PAEP: variants seen among roughly 807,000 people sequenced by gnomAD.
PAEP encodes the protein glycodelin.
In PAEP, 28 loss-of-function variants were observed where a neutral mutation model predicts 23.0. The observed-to-expected ratio is 1.22, with a 90% confidence interval of 0.90 to 1.67. The LOEUF is 1.67. Ranked by LOEUF, PAEP falls within the 40% of genes most tolerant of loss-of-function variation. The probability of loss-of-function intolerance (pLI) is 0.00; values close to 1 mark genes in which losing one functional copy is unlikely to be tolerated. For synonymous variants in PAEP, 103 were observed against 92.4 expected, an observed-to-expected ratio of 1.12 and a Z score of -0.66; for missense variants, 209 against 226.4, an observed-to-expected ratio of 0.92 and a Z score of 0.49.
At chr9:135,565,684 T>G in intron 5 of PAEP, 101 bp from the exon 6 acceptor site, 3 of 1,464,930 alleles carry the variant, frequency 2.0e-6, no homozygotes, top group Non-Finnish European at 2.9e-6. Flanking sequence ...GGTCCTGCCC[T>G]CTCCCACCAT....
At chr9:135,565,760 T>C (rs769294960) in intron 5 of PAEP, 25 bp from the exon 6 acceptor site, 1 of 1,613,938 alleles carries the variant, frequency 6.2e-7, no homozygotes, top group Non-Finnish European at 8.5e-7. Context: ...CGCTGACACC[T>C]CCACTGTCCC....
At chr9:135,564,219 T>C in intron 3 of PAEP, 25 bp from the exon 4 acceptor site, 2 of 1,551,508 alleles carry the variant, frequency 1.3e-6, no homozygotes, top group Non-Finnish European at 1.7e-6. Context: ...TCATCTTCCT[T>C]TTGGTTCTTC....
In PAEP at chr9:135,566,055, T is replaced by C. The variant is rs1832567060; in HGVS notation, c.*254T>C. The C allele has an allele frequency of 1.3e-5, 7 of 558,376 alleles. No individual in the cohort carries two copies. The South Asian group carries it at 1.6e-4, about 12-fold the overall frequency. 34.6% of individuals were successfully genotyped at this position (558,376 alleles called of 1,614,324 possible). A position where few individuals can be genotyped will look rare whatever the true frequency, so the allele number is the denominator to read the frequency against. The stretch of plus-strand genomic sequence containing the variant: ...CCCTATAGTCAGACCTCATGCTTTC[T>C]TTTGGGGTTAGGGGTGTTGGTTGGA... On this transcript the variant is annotated intron_variant, in intron 6 of 6. Coordinates refer to ENST00000479141, the MANE Select transcript of PAEP (RefSeq NM_002571.4).
rs1388002609 is a variant in PAEP at position 135,565,877 on chromosome 9, C to T, written c.*76C>T. ...CTGTCTGCGGCTGCCTCTCTGGGCC[C>T]CTGGGACAGACCCTACTGTGTCCAG... is the stretch of plus-strand genomic sequence containing the variant. On this transcript the variant is annotated intron_variant, in intron 6 of 6. Coordinates refer to ENST00000479141, the MANE Select transcript of PAEP (RefSeq NM_002571.4). The T allele has an allele frequency of 6.7e-6, 10 of 1,484,852 alleles. 1 individual carries two copies. The South Asian group carries it at 6.8e-5, about 10-fold the overall frequency. 92.0% of individuals were successfully genotyped at this position (1,484,852 alleles called of 1,614,324 possible). A position where few individuals can be genotyped will look rare whatever the true frequency, so the allele number is the denominator to read the frequency against.
chr9:135,565,565 C>G (rs1399401979), intron 5 of PAEP, 51 bp downstream of exon 5: 3 of 1,542,188 alleles, frequency 1.9e-6, no homozygotes, highest in Non-Finnish European at 1.8e-6. Context: ...GAAGCTGCCT[C>G]TTTCTTAGCC....
chr9:135,565,620 G>A (rs1267124504), intron 5 of PAEP, 106 bp downstream of exon 5: 2 of 1,363,122 alleles, frequency 1.5e-6, no homozygotes, highest in African/African-American at 1.5e-5. Flanking sequence ...CTCCTTTTTG[G>A]CCCCTCCCCT....
At chr9:135,564,194 G>A (rs1832466882) in intron 3 of PAEP, 50 bp from the exon 4 acceptor site, 2 of 1,548,538 alleles carry the variant, frequency 1.3e-6, no homozygotes, top group Non-Finnish European at 1.7e-6. Context: ...ACAGGACTCT[G>A]CTGAGACGGA....
intron 5 of PAEP, 131 bp from the exon 6 acceptor site, chr9:135,565,654 G>T: frequency 1.0e-5 from 14 of 1,368,654 alleles, no homozygotes; most frequent in Admixed American, 1.7e-5. Context: ...CTTCTGGGGT[G>T]CAGAGCCACC....
At chr9:135,564,795 C>G (rs1194430022) in intron 4 of PAEP, 3 of 985,296 alleles carry the variant, frequency 3.0e-6, no homozygotes, top group Non-Finnish European at 3.6e-6. Context: ...TGAGCCACCA[C>G]GCCCGGCCAG....
chr9:135,562,834 G>A lies in PAEP; in HGVS notation c.251G>A (p.Cys84Tyr), dbSNP rs778489565. ...IVLHRWENNS[C>Y]VEKKVLGEKT... ...CCACCTTTCAGGGAGAACAACAGCT[G>A]TGTTGAGAAGAAGGTCCTTGGAGAG... Residue 84 changes from cysteine (C) to tyrosine (Y), a missense_variant, in exon 3 of 7, where the codon TGT becomes TAT. By Grantham distance (194) the Cys-to-Tyr change is radical. Coordinates refer to ENST00000479141, the MANE Select transcript of PAEP (RefSeq NM_002571.4). The A allele has an allele frequency of 2.5e-6, 4 of 1,613,868 alleles. No homozygotes were observed. The highest frequency in any genetic ancestry group is 1.3e-5 in the African/African-American group (1 of 75,060).
rs1467964692 is a variant in PAEP at position 135,564,371 on chromosome 9, A to G, written c.421+17A>G. ...AGTACCTGGGTGGGTCTCACAGCAC[A>G]TGAGCTCAACGTGGGTGAGAGGCAG... is the stretch of plus-strand genomic sequence containing the variant. On this transcript the variant is annotated intron_variant, in intron 4 of 6. Transcript: ENST00000479141. The G allele has an allele frequency of 6.5e-7, 1 of 1,548,960 alleles. No homozygotes were observed. Among genetic ancestry groups the G allele is most frequent in the East Asian group, 2.4e-5 (1 of 40,888 alleles).
At position 135,565,534 on chromosome 9, in the gene PAEP, C is replaced by A. The variant is rs373972549; in HGVS notation, c.526+20C>A. ...TGGAAGGTGAGCTCTGCCTAGGACA[C>A]GCCCAGCCTCAGCTGGAGGAGAAGC... On this transcript the variant is annotated intron_variant, in intron 5 of 6. Coordinates refer to ENST00000479141, the MANE Select transcript of PAEP (RefSeq NM_002571.4). 19 of 1,596,066 alleles carry A rather than the reference C, an allele frequency of 1.2e-5. No homozygotes were observed. Among genetic ancestry groups the A allele is most frequent in the Non-Finnish European group, 1.1e-5 (13 of 1,163,716 alleles).
chr9:135,564,693 C>T (rs138039674), intron 4 of PAEP: 13,132 of 618,388 alleles, frequency 0.021, 168 homozygotes, highest in Non-Finnish European at 0.024. Flanking sequence ...TTGGTAGAGA[C>T]GGGGTTTCAC....
Position 135,564,321 on chromosome 9 carries a change from AC to A in PAEP, c.393del (p.Ile132SerfsTer4), listed in dbSNP as rs1221750531. The A allele has an allele frequency of 6.4e-7, 1 of 1,551,066 alleles. No homozygotes were observed. Among genetic ancestry groups the A allele is most frequent in the Admixed American group, 2.0e-5 (1 of 50,996 alleles). ...GTTTCTCTGCCTACAGGACACCACCACCCCCATCCAGAGCATGATGTGCCAG... is the reference window on the plus strand; with the variant it reads ...GTTTCTCTGCCTACAGGACACCACCACCCCATCCAGAGCATGATGTGCCAG... ...FLFLCLQDTT[T>X]PIQSMMCQYL... is the part of the protein sequence containing the mutation. On this transcript the variant is annotated frameshift_variant, in exon 4 of 7. Transcript: ENST00000479141. LOFTEE classifies it high-confidence loss of function.
Position 135,562,913 on chromosome 9 carries a change from A to C in PAEP, c.310+20A>C. ...TCAACTGTGAGTGTCCCCAGGCCCC[A>C]AGGGCTGGCTCAGTGCTGGCATGCT... On this transcript the variant is annotated intron_variant, in intron 3 of 6. Transcript: ENST00000479141. The C allele has an allele frequency of 6.3e-7, 1 of 1,597,528 alleles. No individual in the cohort carries two copies. The highest frequency in any genetic ancestry group is 8.6e-7 in the Non-Finnish European group (1 of 1,164,864).
chr9:135,561,776 G>T lies in PAEP; in HGVS notation c.-26G>T. On this transcript the variant is annotated 5_prime_UTR_variant, in exon 1 of 7. Transcript: ENST00000479141. The stretch of plus-strand genomic sequence containing the variant: ...GCCTCAGCATCCCTCTGGCTCCAGA[G>T]CTCAGAGCCACCCACAGCCGCAGCC... 3 of 1,523,030 alleles carry T rather than the reference G, an allele frequency of 2.0e-6. No homozygotes were observed. The South Asian group carries it at 3.6e-5, about 18-fold the overall frequency. 94.3% of individuals were successfully genotyped at this position (1,523,030 alleles called of 1,614,324 possible). A position where few individuals can be genotyped will look rare whatever the true frequency, so the allele number is the denominator to read the frequency against.
rs1227855476 is a variant in PAEP, at chr9:135,563,506, A to ACAGGTGGG, written c.310+648_310+655dup. ...GGTAGGTGGGCAGGTGGGTAGGTGA[A>ACAGGTGGG]CAGGTGGGCAGGTGGGCAGGTGGGC... On this transcript the variant is annotated intron_variant, in intron 3 of 6. Coordinates refer to ENST00000479141, the MANE Select transcript of PAEP (RefSeq NM_002571.4). Among the ~76,000 whole-genome samples the ACAGGTGGG allele has an allele frequency of 1.4e-3, 41 of 29,926 alleles. 1 individual carries two copies. The highest frequency in any genetic ancestry group is 2.3e-3 in the African/African-American group (21 of 9,092). 19.6% of individuals were successfully genotyped at this position (29,926 alleles called of 152,430 possible).
Position 135,562,864 on chromosome 9 carries a change from C to T in PAEP, c.281C>T (p.Thr94Ile), listed in dbSNP as rs747469336. The T allele has an allele frequency of 9.9e-6, 16 of 1,613,878 alleles. No homozygotes were observed. The African/African-American group carries it at 2.1e-4, about 22-fold the overall frequency. ...GAGAAGAAGGTCCTTGGAGAGAAGA[C>T]TGAGAATCCAAAGAAGTTCAAGATC... is the stretch of plus-strand genomic sequence containing the variant. ...CVEKKVLGEK[T>I]ENPKKFKINY... The change falls in exon 3 of 7, where the codon ACT becomes ATT. Residue 94 changes from threonine to isoleucine, a missense_variant. Coordinates refer to ENST00000479141, the MANE Select transcript of PAEP (RefSeq NM_002571.4).
In PAEP at chr9:135,565,407, C is replaced by T. The variant is rs769709895; in HGVS notation, c.422-3C>T. On this transcript the variant is annotated splice_region_variant and splice_polypyrimidine_tract_variant and intron_variant, in intron 4 of 6. Transcript: ENST00000479141. ...CCCAGGACTGACCCAGCCTCTTCCACAGCCAGAGTCCTGGTGGAGGACGAT... is the reference window on the plus strand; with the variant it reads ...CCCAGGACTGACCCAGCCTCTTCCATAGCCAGAGTCCTGGTGGAGGACGAT... 3 of 1,613,618 alleles carry T rather than the reference C, an allele frequency of 1.9e-6. No homozygotes were observed. The highest frequency in any genetic ancestry group is 2.2e-5 in the South Asian group (2 of 91,074).
Sources: gnomAD v4.1 joint callset for allele counts (sites outside exome capture counted in the v4.1 genomes callset) on GRCh38, gnomAD v4.1.1 for gene constraint, MANE v1.5 for transcripts, NCBI Gene and HGNC (gene_info 2026-07-23, HGNC 2026-07-21) for gene names.